PDZRN4: variants seen among roughly 807,000 people sequenced by gnomAD.
PDZRN4 encodes the protein PDZ domain containing ring finger 4.
In PDZRN4, 70 loss-of-function variants were observed where a neutral mutation model predicts 99.0. The ratio of observed to expected loss-of-function variants is 0.71; its 90% CI spans 0.58 to 0.86. The LOEUF is 0.86. Among genes scored for constraint, PDZRN4 ranks in the 40% least tolerant of loss-of-function variants. PDZRN4 has a pLI of 0.00. For missense variants in PDZRN4, 1,474 were observed against 1,331.2 expected (o/e 1.11, Z -1.67); for synonymous variants, 551 against 501.6 (o/e 1.10, Z -1.32).
At chr12:41,466,966 A>T (rs1387622753) in intron 3 of PDZRN4, among the ~76,000 whole-genome samples, 4 of 152,226 alleles carry the variant, frequency 2.6e-5, no homozygotes, top group Non-Finnish European at 5.9e-5. Flanking sequence ...GATACCTTTG[A>T]CAGTGGCTGC....
intron 7 of PDZRN4, among the ~76,000 whole-genome samples, chr12:41,560,290 T>A (rs1939247898): frequency 1.3e-5 from 2 of 152,158 alleles, no homozygotes; most frequent in Admixed American, 6.5e-5. Flanking sequence ...AGAAAAAACC[T>A]AGATATTGGT....
At chr12:41,241,817 G>T (rs1039936344) in intron 3 of PDZRN4, among the ~76,000 whole-genome samples, 1 of 152,102 alleles carries the variant, frequency 6.6e-6, no homozygotes, top group Non-Finnish European at 1.5e-5. Context: ...TGTTTATAGT[G>T]TCAGCCACTC....
In PDZRN4 at chr12:41,504,487, C is replaced by A. The variant is rs1450387452; in HGVS notation, c.844-1969C>A. On this transcript the variant is annotated intron_variant, in intron 3 of 9. Coordinates refer to ENST00000402685, the MANE Select transcript of PDZRN4 (RefSeq NM_001164595.2). ...TTACCTACCACTTGATTATCTTCCACAATCTGGAATGTATAAATACTGACC... is the reference window on the plus strand; with the variant it reads ...TTACCTACCACTTGATTATCTTCCAAAATCTGGAATGTATAAATACTGACC... Among the ~76,000 whole-genome samples, 3 of 152,194 alleles carry A rather than the reference C, an allele frequency of 2.0e-5. No homozygotes were observed. The East Asian group carries it at 5.8e-4, about 29-fold the overall frequency.
intron 5 of PDZRN4, among the ~76,000 whole-genome samples, chr12:41,518,042 A>G (rs1350884091): frequency 6.6e-6 from 1 of 152,110 alleles, no homozygotes; most frequent in Non-Finnish European, 1.5e-5. Flanking sequence ...AAAAATACAG[A>G]AAATAATCCT....
intron 3 of PDZRN4, among the ~76,000 whole-genome samples, chr12:41,433,417 T>C (rs1952601619): frequency 6.6e-6 from 1 of 152,210 alleles, no homozygotes; most frequent in South Asian, 2.1e-4. Flanking sequence ...TCTTTGTCTT[T>C]ATGATTACAT....
At chr12:41,472,495 A>T (rs759237653) in intron 3 of PDZRN4, among the ~76,000 whole-genome samples, 17 of 152,194 alleles carry the variant, frequency 1.1e-4, no homozygotes, top group Non-Finnish European at 5.9e-5. Flanking sequence ...TTTTTTTGGT[A>T]CTCAAATGAT....
chr12:41,342,449 C>T (rs971923538), intron 3 of PDZRN4, among the ~76,000 whole-genome samples: 4 of 151,712 alleles, frequency 2.6e-5, no homozygotes, highest in Non-Finnish European at 5.9e-5. Context: ...GCAAACTATA[C>T]GTCTGACAAG....
intron 3 of PDZRN4, among the ~76,000 whole-genome samples, chr12:41,237,942 G>T (rs1424999957): frequency 6.6e-6 from 1 of 152,026 alleles, no homozygotes; most frequent in Non-Finnish European, 1.5e-5. Context: ...GATTGTCTTG[G>T]CTACTCAGGC....
At chr12:41,326,856 A>G (rs1417244611) in intron 3 of PDZRN4, among the ~76,000 whole-genome samples, 1 of 152,212 alleles carries the variant, frequency 6.6e-6, no homozygotes, top group Non-Finnish European at 1.5e-5. Context: ...GCTAAAGTGA[A>G]TATCATATAT....
intron 3 of PDZRN4, among the ~76,000 whole-genome samples, chr12:41,219,459 A>G (rs942602132): frequency 1.3e-5 from 2 of 152,174 alleles, no homozygotes; most frequent in Admixed American, 1.3e-4. Context: ...ATAATCTAGT[A>G]ATAATGCTCT....
At chr12:41,532,646 A>C (rs1453006975) in intron 5 of PDZRN4, among the ~76,000 whole-genome samples, 1 of 152,156 alleles carries the variant, frequency 6.6e-6, no homozygotes, top group African/African-American at 2.4e-5. Context: ...TTTTTCTGCA[A>C]TATTACATAG....
intron 3 of PDZRN4, among the ~76,000 whole-genome samples, chr12:41,223,042 T>C (rs1159748860): frequency 2.0e-5 from 3 of 152,164 alleles, no homozygotes; most frequent in Non-Finnish European, 4.4e-5. Flanking sequence ...GTAATTGCCG[T>C]GTTTGCCTTC....
intron 5 of PDZRN4, among the ~76,000 whole-genome samples, chr12:41,544,067 C>T (rs1265208286): frequency 6.6e-6 from 1 of 152,182 alleles, no homozygotes; most frequent in Non-Finnish European, 1.5e-5. Context: ...AGATTCTTAA[C>T]AATTAAATGA....
chr12:41,455,102 A>C (rs191138408), intron 3 of PDZRN4, among the ~76,000 whole-genome samples: 65 of 152,336 alleles, frequency 4.3e-4, no homozygotes, highest in African/African-American at 1.5e-3. Context: ...TAAAACCTTG[A>C]AGTCTACAGT....
At chr12:41,492,715 G>A (rs183153371) in intron 3 of PDZRN4, among the ~76,000 whole-genome samples, 39 of 152,224 alleles carry the variant, frequency 2.6e-4, no homozygotes, top group Admixed American at 5.9e-4. Context: ...ACTTCATTTT[G>A]CATTCTACTA....
intron 7 of PDZRN4, among the ~76,000 whole-genome samples, chr12:41,559,756 C>G (rs1192094427): frequency 1.3e-5 from 2 of 152,080 alleles, no homozygotes; most frequent in Non-Finnish European, 2.9e-5. Flanking sequence ...AATTATAGTT[C>G]CCATAATCCC....
At chr12:41,215,862 T>TA (rs397935751) in intron 3 of PDZRN4, among the ~76,000 whole-genome samples, 12 of 151,734 alleles carry the variant, frequency 7.9e-5, no homozygotes, top group African/African-American at 2.9e-4. Flanking sequence ...TTTTTTTTTT[T>TA]AATCTGTCAT....
At chr12:41,469,362 A>G (rs1952963433) in intron 3 of PDZRN4, among the ~76,000 whole-genome samples, 1 of 152,224 alleles carries the variant, frequency 6.6e-6, no homozygotes, top group South Asian at 2.1e-4. Flanking sequence ...CCTTGTTGCC[A>G]GTAGCTTACC....
At chr12:41,375,827 T>C (rs1340105969) in intron 3 of PDZRN4, among the ~76,000 whole-genome samples, 1 of 152,096 alleles carries the variant, frequency 6.6e-6, no homozygotes, top group Non-Finnish European at 1.5e-5. Flanking sequence ...TACAGTATTG[T>C]TAACTTTAGT....
Sources: gnomAD v4.1 joint callset for allele counts (sites outside exome capture counted in the v4.1 genomes callset) on GRCh38, gnomAD v4.1.1 for gene constraint, MANE v1.5 for transcripts, NCBI Gene and HGNC (gene_info 2026-07-23, HGNC 2026-07-21) for gene names.